Variants in ZC3H12D observed in about 807,000 individuals in gnomAD.
The protein encoded by ZC3H12D is zinc finger CCCH-type containing 12D.
In ZC3H12D, 11 loss-of-function variants were observed where a neutral mutation model predicts 24.2. The ratio of observed to expected loss-of-function variants is 0.46; its 90% CI spans 0.29 to 0.75. ZC3H12D has a LOEUF of 0.75. Ranked by LOEUF, ZC3H12D falls within the 30% of genes least tolerant of loss-of-function variation. The probability of loss-of-function intolerance (pLI) is 0.11; values close to 1 mark genes in which losing one functional copy is unlikely to be tolerated. For synonymous variants in ZC3H12D, 333 were observed against 341.8 expected, an observed-to-expected ratio of 0.97 and a Z score of 0.28; for missense variants, 740 against 767.7, an observed-to-expected ratio of 0.96 and a Z score of 0.43.
intron 2 of ZC3H12D, among the ~76,000 whole-genome samples, chr6:149,470,541 A>T (rs1334131991): frequency 6.6e-6 from 1 of 151,962 alleles, no homozygotes. Context: ...CTGAAGAAAA[A>T]AAAAATAAAA....
chr6:149,466,801 G>A (rs908247647), intron 2 of ZC3H12D, among the ~76,000 whole-genome samples: 2 of 151,938 alleles, frequency 1.3e-5, no homozygotes, highest in Admixed American at 6.6e-5. Context: ...GCTTGAACCC[G>A]GGAGGGAGAA....
chr6:149,458,116 T>TC (rs1776014301), intron 3 of ZC3H12D, among the ~76,000 whole-genome samples: 1 of 131,068 alleles, frequency 7.6e-6, no homozygotes, highest in African/African-American at 4.0e-5. Flanking sequence ...TTTTTCTTTT[T>TC]TTTTTTCGTT....
chr6:149,473,050 C>A (rs1180369530), intron 2 of ZC3H12D, among the ~76,000 whole-genome samples: 2 of 152,052 alleles, frequency 1.3e-5, no homozygotes, highest in Admixed American at 1.3e-4. Context: ...ACCCCATGGG[C>A]CAGCCCCTAA....
intron 2 of ZC3H12D, among the ~76,000 whole-genome samples, chr6:149,466,493 T>C (rs962965332): frequency 1.3e-5 from 2 of 151,708 alleles, no homozygotes; most frequent in African/African-American, 4.8e-5. Flanking sequence ...CTCCCTCACG[T>C]CACCCCCGAG....
At chr6:149,457,519 G>C (rs1415445389) in intron 3 of ZC3H12D, among the ~76,000 whole-genome samples, 1 of 152,204 alleles carries the variant, frequency 6.6e-6, no homozygotes, top group Non-Finnish European at 1.5e-5. Flanking sequence ...CCGGGCTCCA[G>C]TTCCTGGGTA....
At chr6:149,472,988 T>C (rs1450276136) in intron 2 of ZC3H12D, among the ~76,000 whole-genome samples, 4 of 152,204 alleles carry the variant, frequency 2.6e-5, no homozygotes, top group East Asian at 3.8e-4. Flanking sequence ...CAGAATTTCA[T>C]AGGTTTACCT....
chr6:149,479,509 C>T (rs192928308), intron 1 of ZC3H12D, among the ~76,000 whole-genome samples: 30 of 152,270 alleles, frequency 2.0e-4, no homozygotes, highest in Non-Finnish European at 2.9e-5. Flanking sequence ...AGAGCAGTCA[C>T]CCCGGAGCCT....
chr6:149,465,741 C>T (rs1369364382), intron 2 of ZC3H12D, among the ~76,000 whole-genome samples: 9 of 135,604 alleles, frequency 6.6e-5, no homozygotes, highest in African/African-American at 2.7e-4. Context: ...GGCGACAGAG[C>T]GAGACGCCAT....
chr6:149,450,412 G>T lies in ZC3H12D; in HGVS notation c.*271C>A, dbSNP rs1465962014. 7 of 435,710 alleles carry T rather than the reference G, an allele frequency of 1.6e-5. No homozygotes were observed. In the East Asian group the frequency reaches 2.7e-4, roughly 17 times the overall value. The allele number at this position is 435,710 out of a possible 1,614,324, so 27.0% of individuals were successfully genotyped here. A position where few individuals can be genotyped will look rare whatever the true frequency, so the allele number is the denominator to read the frequency against. ...CCACTTGTGGGTTCTACTGCAGCTT[G>T]GACCCGCAGTCTCCGTGCACATGGA... On this transcript the variant is annotated 3_prime_UTR_variant, in exon 6 of 6. Transcript: ENST00000409806.
chr6:149,460,237 C>T (rs1225279942), intron 3 of ZC3H12D, among the ~76,000 whole-genome samples: 1 of 152,216 alleles, frequency 6.6e-6, no homozygotes, highest in African/African-American at 2.4e-5. Context: ...AGCAAATACT[C>T]ATTGGAGCAT....
intron 3 of ZC3H12D, among the ~76,000 whole-genome samples, chr6:149,460,109 G>A (rs530718868): frequency 1.3e-5 from 2 of 152,310 alleles, no homozygotes; most frequent in African/African-American, 4.8e-5. Flanking sequence ...TAAAAGTCTA[G>A]CACGTACAAT....
chr6:149,465,658 G>A (rs1314560178), intron 2 of ZC3H12D, among the ~76,000 whole-genome samples: 2 of 151,904 alleles, frequency 1.3e-5, no homozygotes, highest in Non-Finnish European at 2.9e-5. Flanking sequence ...GGGAGGCTGA[G>A]GCAGGAGAAT....
intron 1 of ZC3H12D, among the ~76,000 whole-genome samples, chr6:149,475,954 A>G (rs1214418566): frequency 6.6e-6 from 1 of 152,228 alleles, no homozygotes; most frequent in African/African-American, 2.4e-5. Context: ...AATAATCATG[A>G]AAACATATTT....
At chr6:149,469,779 G>A (rs973269823) in intron 2 of ZC3H12D, among the ~76,000 whole-genome samples, 30 of 152,140 alleles carry the variant, frequency 2.0e-4, no homozygotes, top group African/African-American at 5.3e-4. Flanking sequence ...GGCATCCTGG[G>A]CACCAGCCCT....
At chr6:149,481,451 TG>T (rs1776423945) in intron 1 of ZC3H12D, among the ~76,000 whole-genome samples, 1 of 151,160 alleles carries the variant, frequency 6.6e-6, no homozygotes, top group Admixed American at 6.6e-5. Flanking sequence ...CTCGGCTCAC[TG>T]CAACCTCCAC....
rs892008334 is a variant in ZC3H12D, at chr6:149,452,969, T to C, written c.681-247A>G. On this transcript the variant is annotated intron_variant, in intron 4 of 5. Transcript: ENST00000409806. This position sits in a 1 kb window ranked among gnomAD's most constrained non-coding sequence, Gnocchi z 4.0. ...CTCCTGTTGTGGTTCAAGCCAGCAG[T>C]GTCAGAATCACCTAGCAACTTAAAA... Among the ~76,000 whole-genome samples the C allele has an allele frequency of 3.9e-5, 6 of 152,030 alleles. No homozygotes were observed. The highest frequency in any genetic ancestry group is 7.4e-5 in the Non-Finnish European group (5 of 67,994).
chr6:149,470,219 G>A (rs1776223267), intron 2 of ZC3H12D, among the ~76,000 whole-genome samples: 1 of 152,050 alleles, frequency 6.6e-6, no homozygotes, highest in South Asian at 2.1e-4. Context: ...AATTAGCCAG[G>A]CATATTGGCA....
In ZC3H12D at chr6:149,450,829, G is replaced by A. The variant is rs765308784; in HGVS notation, c.1438C>T (p.Arg480Trp). ...TEDDEGDARA[R>W]ARIALYSVFP... ...ACGCTGTAGAGCGCGATGCGAGCCC[G>A]GGCGCGCGCGTCCCCCTCGTCGTCC... Residue 480 changes from arginine (R) to tryptophan (W), a missense_variant, in exon 6 of 6, where the codon CGG (arginine) becomes TGG (tryptophan). Arg to Trp is a moderately radical substitution (Grantham distance 101). Transcript: ENST00000409806. 1.9e-5 allele frequency: 29 copies of A among 1,546,428 alleles called. No individual in the cohort carries two copies. Among genetic ancestry groups the A allele is most frequent in the Non-Finnish European group, 2.2e-5 (25 of 1,146,696 alleles).
At chr6:149,465,234 A>G (rs1379793530) in intron 2 of ZC3H12D, among the ~76,000 whole-genome samples, 1 of 151,966 alleles carries the variant, frequency 6.6e-6, no homozygotes, top group African/African-American at 2.4e-5. Context: ...CGTGCCTGTA[A>G]TCCCAGCTAC....
Sources: allele counts gnomAD v4.1 joint callset (sites outside exome capture counted in the v4.1 genomes callset), GRCh38; gene constraint gnomAD v4.1.1; non-coding constraint Gnocchi (gnomAD v3.1); transcripts MANE v1.5; gene names NCBI Gene and HGNC (gene_info 2026-07-23, HGNC 2026-07-21).